Variants in FKBP15 observed in about 807,000 individuals in gnomAD.
The protein encoded by FKBP15 is FKBP prolyl isomerase family member 15.
FKBP15 carries 106 observed loss-of-function variants against 158.1 expected under a neutral mutation model. That is an observed-to-expected ratio of 0.67 (90% CI 0.57 to 0.79). FKBP15 has a LOEUF of 0.79. Among genes scored for constraint, FKBP15 ranks in the 30% least tolerant of loss-of-function variants. The pLI, the probability that FKBP15 is intolerant of heterozygous loss-of-function variation, is 0.00. For synonymous variants in FKBP15, 547 were observed against 548.6 expected, an observed-to-expected ratio of 1.00 and a Z score of 0.04; for missense variants, 1,287 against 1,479.1, an observed-to-expected ratio of 0.87 and a Z score of 2.13.
At chr9:113,206,708 T>C in intron 3 of FKBP15, 130 bp from the exon 4 acceptor site, 2 of 534,320 alleles carry the variant, frequency 3.7e-6, no homozygotes, top group Non-Finnish European at 6.3e-6. Context: ...GTGAGCGGTT[T>C]AAAATTTTTT....
Position 113,169,907 on chromosome 9 carries a change from T to C in FKBP15, c.2802A>G (p.Gln934=), listed in dbSNP as rs1369501017. Residue 934 remains glutamine (Q), a synonymous_variant, in exon 26 of 28, where the codon CAA becomes CAG. Transcript: ENST00000238256. The part of the protein sequence containing the change: ...VTLQLLNQQE[Q]EKEESSSEEE... ...CTTCACTGCTGCTCTCTTCCTTCTCTTGCTCCTGTTGGTTTAACAGCTGAA... is the reference window on the plus strand; with the variant it reads ...CTTCACTGCTGCTCTCTTCCTTCTCCTGCTCCTGTTGGTTTAACAGCTGAA... 2.8e-5 allele frequency: 43 copies of C among 1,548,174 alleles called. No individual in the cohort carries two copies. In the East Asian group the frequency reaches 1.0e-3, roughly 37 times the overall value.
chr9:113,185,181 T>A (rs10981675), intron 15 of FKBP15, among the ~76,000 whole-genome samples: 2 of 152,342 alleles, frequency 1.3e-5, no homozygotes, highest in East Asian at 1.9e-4. Flanking sequence ...CTTCTGCCCT[T>A]GGTGAGCTCT....
At position 113,162,845 on chromosome 9, in the gene FKBP15, G is replaced by A. The variant is rs780664346; in HGVS notation, c.*3233C>T. 15 of 1,613,688 alleles carry A rather than the reference G, an allele frequency of 9.3e-6. No homozygotes were observed. The Middle Eastern group carries it at 5.0e-4, about 54-fold the overall frequency. On this transcript the variant is annotated 3_prime_UTR_variant, in exon 28 of 28. Coordinates refer to ENST00000238256, the MANE Select transcript of FKBP15 (RefSeq NM_015258.2). ...TGGCCGTAATGTCCTACAACACCTG[G>A]ATTTTCCTTGGTGTGGTCTTGGGCT...
intron 18 of FKBP15, among the ~76,000 whole-genome samples, chr9:113,183,488 A>G (rs902837139): frequency 6.6e-6 from 1 of 152,182 alleles, no homozygotes; most frequent in African/African-American, 2.4e-5. Context: ...TAGGGCCAGC[A>G]GGAATAAATA....
At chr9:113,209,122 C>A (rs565103414) in intron 2 of FKBP15, among the ~76,000 whole-genome samples, 2 of 152,080 alleles carry the variant, frequency 1.3e-5, no homozygotes, top group South Asian at 4.1e-4. Context: ...TCTATAGCTC[C>A]CTGCTAAAAG....
chr9:113,179,707 A>T (rs1409313492), intron 19 of FKBP15, among the ~76,000 whole-genome samples: 1 of 152,026 alleles, frequency 6.6e-6, no homozygotes, highest in African/African-American at 2.4e-5. Context: ...ATATAAAATA[A>T]AAATAACATG....
chr9:113,187,038 A>T (rs1830496616), intron 14 of FKBP15: 1 of 152,264 alleles, frequency 6.6e-6, no homozygotes, highest in East Asian at 1.9e-4. Context: ...GCTCATTTCC[A>T]GGGATAGATA....
At chr9:113,203,404 C>T (rs1343660095) in intron 4 of FKBP15, among the ~76,000 whole-genome samples, 1 of 152,146 alleles carries the variant, frequency 6.6e-6, no homozygotes, top group Non-Finnish European at 1.5e-5. Flanking sequence ...ACGTGACCAT[C>T]AACCAGATTT....
chr9:113,184,594 TA>T lies in FKBP15; in HGVS notation c.1608+100del. The T allele has an allele frequency of 9.7e-7, 1 of 1,030,346 alleles. No individual in the cohort carries two copies. Among genetic ancestry groups the T allele is most frequent in the Non-Finnish European group, 1.5e-6 (1 of 677,632 alleles). The allele number at this position is 1,030,346 out of a possible 1,614,324, so 63.8% of individuals were successfully genotyped here. ...TCCTTGTAGGGAAATAACCTCTCAC[TA>T]CTACCAATGCAGGAAATCAAAGAAG... On this transcript the variant is annotated intron_variant, in intron 16 of 27. Coordinates refer to ENST00000238256, the MANE Select transcript of FKBP15 (RefSeq NM_015258.2). This position sits in a 1 kb window ranked among gnomAD's most constrained non-coding sequence, Gnocchi z 4.5.
intron 2 of FKBP15, among the ~76,000 whole-genome samples, chr9:113,210,425 C>T (rs1422879980): frequency 3.3e-5 from 5 of 151,632 alleles, no homozygotes; most frequent in South Asian, 4.2e-4. Flanking sequence ...CTCCGCCTCC[C>T]GGCTTCAAGC....
rs1830266920 is a variant in FKBP15, at chr9:113,174,417, T to C, written c.2379+11A>G. 3 of 1,612,086 alleles carry C rather than the reference T, an allele frequency of 1.9e-6. No homozygotes were observed. Among genetic ancestry groups the C allele is most frequent in the Admixed American group, 1.7e-5 (1 of 59,688 alleles). On this transcript the variant is annotated intron_variant, in intron 22 of 27. Coordinates refer to ENST00000238256, the MANE Select transcript of FKBP15 (RefSeq NM_015258.2). The stretch of plus-strand genomic sequence containing the variant: ...TCCCTCTATTTTCAAAGTGCTTCAG[T>C]TTCCCATTACCTGCTCTGCAGCTGC...
chr9:113,166,133 G>A lies in FKBP15; in HGVS notation c.3605C>T (p.Pro1202Leu). The change falls in exon 28 of 28, where the codon CCA becomes CTA. Residue 1202 changes from proline (P) to leucine (L), a missense_variant. Pro to Leu is a moderately conservative substitution (Grantham distance 98, BLOSUM62 -3). Coordinates refer to ENST00000238256, the MANE Select transcript of FKBP15 (RefSeq NM_015258.2). ...ATCATCATCTCCAAAAAGGGGCGTT[G>A]GGGGCGGGCGTCCCTTCATGCTCTG... is the stretch of plus-strand genomic sequence containing the variant. ...DEVSMKGRPP[P>L]TPLFGDDDDD... is the part of the protein sequence containing the mutation. 6.2e-7 allele frequency: 1 copy of A among 1,613,474 alleles called. No individual in the cohort carries two copies. The highest frequency in any genetic ancestry group is 1.1e-5 in the South Asian group (1 of 90,884).
At chr9:113,201,285 T>G (rs1169717619) in intron 6 of FKBP15, among the ~76,000 whole-genome samples, 1 of 151,930 alleles carries the variant, frequency 6.6e-6, no homozygotes, top group African/African-American at 2.4e-5. Context: ...ACTCACTTAC[T>G]GAAATAAAGC....
Position 113,184,503 on chromosome 9 carries a change from G to A in FKBP15, c.1609-104C>T. 1.0e-6 allele frequency: 1 copy of A among 986,776 alleles called. No individual in the cohort carries two copies. Among genetic ancestry groups the A allele is most frequent in the Non-Finnish European group, 1.6e-6 (1 of 642,202 alleles). The allele number at this position is 986,776 out of a possible 1,614,324, so 61.1% of individuals were successfully genotyped here. A position where few individuals can be genotyped will look rare whatever the true frequency, so the allele number is the denominator to read the frequency against. On this transcript the variant is annotated intron_variant, in intron 16 of 27. Transcript: ENST00000238256. The surrounding 1 kb of genome is among the most constrained non-coding windows in gnomAD (Gnocchi z 4.5). The stretch of plus-strand genomic sequence containing the variant: ...TGTTAAGGGGGTTAATGAGTTCCTG[G>A]GACAATCTCTAACTGTTAAGTTAGA...
chr9:113,190,449 T>C (rs1830555098), intron 12 of FKBP15, 22 bp downstream of exon 12: 1 of 1,558,740 alleles, frequency 6.4e-7, no homozygotes, highest in African/African-American at 1.4e-5. Context: ...CTATTCATTC[T>C]AATACAGCCA....
intron 1 of FKBP15, among the ~76,000 whole-genome samples, chr9:113,217,190 C>A (rs1179384747): frequency 2.0e-5 from 3 of 147,286 alleles, no homozygotes; most frequent in African/African-American, 5.0e-5. Flanking sequence ...AGGTGTGAGC[C>A]ACCACGCCCA....
Position 113,166,157 on chromosome 9 carries a change from T to C in FKBP15, c.3583-2A>G, listed in dbSNP as rs1218152177. 2 of 1,611,486 alleles carry C rather than the reference T, an allele frequency of 1.2e-6. No individual in the cohort carries two copies. Among genetic ancestry groups the C allele is most frequent in the African/African-American group, 1.3e-5 (1 of 74,904 alleles). ...TGGGGGCGGGCGTCCCTTCATGCTCTGATAAAACAGGAAAGAGCAGTCAGT... is the reference window on the plus strand; with the variant it reads ...TGGGGGCGGGCGTCCCTTCATGCTCCGATAAAACAGGAAAGAGCAGTCAGT... On this transcript the variant is annotated splice_acceptor_variant, in intron 27 of 27. Transcript: ENST00000238256. LOFTEE classifies it high-confidence loss of function.
chr9:113,196,247 C>A (rs1036645121), intron 9 of FKBP15, among the ~76,000 whole-genome samples: 1 of 152,096 alleles, frequency 6.6e-6, no homozygotes, highest in Non-Finnish European at 1.5e-5. Flanking sequence ...TACACACACA[C>A]AATCTTTGCA....
intron 1 of FKBP15, among the ~76,000 whole-genome samples, chr9:113,215,644 A>ATAT (rs1491257448): frequency 4.9e-5 from 3 of 61,586 alleles, no homozygotes; most frequent in African/African-American, 2.2e-4. Context: ...ATATATATAT[A>ATAT]TTTTTTTTTT....
Sources: allele counts gnomAD v4.1 joint callset (sites outside exome capture counted in the v4.1 genomes callset), GRCh38; gene constraint gnomAD v4.1.1; non-coding constraint Gnocchi (gnomAD v3.1); transcripts MANE v1.5; gene names NCBI Gene and HGNC (gene_info 2026-07-23, HGNC 2026-07-21).